SNX6: variants seen among roughly 807,000 people sequenced by gnomAD.
The protein encoded by SNX6 is sorting nexin-6.
Under a neutral mutation model 63.0 loss-of-function variants are expected in SNX6, and 34 were observed. The observed-to-expected ratio is 0.54, with a 90% CI of 0.41 to 0.72. SNX6 has a LOEUF of 0.72. Among genes scored for constraint, SNX6 ranks in the 30% least tolerant of loss-of-function variants. The probability of loss-of-function intolerance (pLI) is 0.00; values close to 1 mark genes in which losing one functional copy is unlikely to be tolerated. For missense variants in SNX6, 398 were observed against 471.4 expected (o/e 0.84, Z 1.44); for synonymous variants, 170 against 164.2 (o/e 1.04, Z -0.27).
At chr14:34,600,780 G>A (rs1882780467) in intron 6 of SNX6, among the ~76,000 whole-genome samples, 2 of 152,198 alleles carry the variant, frequency 1.3e-5, no homozygotes, top group Non-Finnish European at 1.5e-5. Context: ...GCTCACACCT[G>A]TAATCCCAGC....
At chr14:34,565,226 C>T (rs1203602270) in intron 13 of SNX6, among the ~76,000 whole-genome samples, 2 of 151,740 alleles carry the variant, frequency 1.3e-5, no homozygotes, top group South Asian at 2.1e-4. Context: ...TACAGGCGCC[C>T]GCCACCACGC....
At chr14:34,570,310 C>T (rs1166930117) in intron 11 of SNX6, among the ~76,000 whole-genome samples, 1 of 151,932 alleles carries the variant, frequency 6.6e-6, no homozygotes, top group Non-Finnish European at 1.5e-5. Context: ...AAGTAATCTG[C>T]CCACCTCTGC....
At chr14:34,625,246 T>C (rs912790142) in intron 2 of SNX6, among the ~76,000 whole-genome samples, 4 of 152,156 alleles carry the variant, frequency 2.6e-5, no homozygotes, top group African/African-American at 9.7e-5. Context: ...CTCAACAAGA[T>C]GATCTAAACT....
intron 11 of SNX6, among the ~76,000 whole-genome samples, chr14:34,571,412 GAC>G (rs1251692011): frequency 2.0e-5 from 3 of 152,004 alleles, no homozygotes; most frequent in Non-Finnish European, 4.4e-5. Context: ...CAGCCTGGGT[GAC>G]AGAGTGAGAC....
intron 11 of SNX6, chr14:34,568,919 C>A (rs910255679): frequency 7.8e-7 from 1 of 1,288,538 alleles, no homozygotes; most frequent in East Asian, 2.3e-5. Context: ...CCAACCCCAG[C>A]GCCACCCCAG....
chr14:34,628,626 C>T (rs1462305045), intron 2 of SNX6, among the ~76,000 whole-genome samples: 1 of 152,152 alleles, frequency 6.6e-6, no homozygotes, highest in Admixed American at 6.6e-5. Context: ...GAGATACTGT[C>T]TCATAAAACC....
chr14:34,590,731 A>G (rs1460555338), intron 8 of SNX6, among the ~76,000 whole-genome samples: 1 of 152,230 alleles, frequency 6.6e-6, no homozygotes, highest in African/African-American at 2.4e-5. Context: ...CATTTACCAC[A>G]TGACTCAGGC....
intron 11 of SNX6, 92 bp from the exon 12 acceptor site, chr14:34,568,105 G>T (rs927482546): frequency 2.9e-6 from 3 of 1,050,780 alleles, no homozygotes; most frequent in Non-Finnish European, 4.1e-6. Flanking sequence ...ACAACCATCA[G>T]AGCTAACACA....
At chr14:34,625,457 G>C (rs1883790689) in intron 2 of SNX6, among the ~76,000 whole-genome samples, 1 of 152,102 alleles carries the variant, frequency 6.6e-6, no homozygotes, top group African/African-American at 2.4e-5. Flanking sequence ...TATCGGCCGG[G>C]CGCGGTGGCT....
At chr14:34,610,005 T>G (rs1883163238) in intron 2 of SNX6, among the ~76,000 whole-genome samples, 1 of 152,036 alleles carries the variant, frequency 6.6e-6, no homozygotes, top group Admixed American at 6.6e-5. Flanking sequence ...AGTCACTGAG[T>G]TAATCATGAT....
chr14:34,603,820 T>C (rs940903384), intron 5 of SNX6, among the ~76,000 whole-genome samples: 1 of 152,176 alleles, frequency 6.6e-6, no homozygotes, highest in African/African-American at 2.4e-5. Flanking sequence ...ATCTTAATGA[T>C]TCAATATCCA....
At chr14:34,599,661 C>T (rs1882731029) in intron 6 of SNX6, among the ~76,000 whole-genome samples, 1 of 150,980 alleles carries the variant, frequency 6.6e-6, no homozygotes. Flanking sequence ...GTAATCCCAG[C>T]TACTCGGGAG....
At chr14:34,584,609 T>C (rs1882075035) in intron 9 of SNX6, among the ~76,000 whole-genome samples, 1 of 152,090 alleles carries the variant, frequency 6.6e-6, no homozygotes, top group East Asian at 1.9e-4. Context: ...CATATATATA[T>C]ATTCTAATTC....
At chr14:34,592,321 GGTT>G (rs1414296112) in intron 8 of SNX6, among the ~76,000 whole-genome samples, 6 of 152,188 alleles carry the variant, frequency 3.9e-5, no homozygotes, top group Admixed American at 1.3e-4. Context: ...GGGCGGCTGA[GGTT>G]GTTGCAGTGA....
At chr14:34,563,734 A>C in intron 13 of SNX6, among the ~76,000 whole-genome samples, 1 of 43,660 alleles carries the variant, frequency 2.3e-5, no homozygotes, top group South Asian at 7.4e-4. Flanking sequence ...TCTTCAGTAA[A>C]TTTTTTTTCT....
rs747902437 is a variant in SNX6, at chr14:34,603,380, T to C, written c.484A>G (p.Asn162Asp). 1.2e-6 allele frequency: 2 copies of C among 1,610,918 alleles called. No homozygotes were observed. The highest frequency in any genetic ancestry group is 2.2e-5 in the South Asian group (2 of 90,370). The part of the protein sequence containing the change: ...AAHPILRRDL[N>D]FHVFLEYNQD... ...TTATATTCCAAGAAGACATGGAAAT[T>C]TAAATCTCTTCTCAAAATAGGATGT... Residue 162 changes from asparagine (N) to aspartate (D), a missense_variant, in exon 6 of 14, where the codon AAT becomes GAT. Transcript: ENST00000362031.
In SNX6 at chr14:34,573,678, G is replaced by A. The variant is rs140214169; in HGVS notation, c.921+2078C>T. Among the ~76,000 whole-genome samples the A allele has an allele frequency of 4.7e-3, 706 of 149,960 alleles. 1 individual carries two copies. The highest frequency in any genetic ancestry group is 7.3e-3 in the Non-Finnish European group (496 of 67,648). On this transcript the variant is annotated intron_variant, in intron 11 of 13. Coordinates refer to ENST00000362031, the MANE Select transcript of SNX6 (RefSeq NM_152233.4). ...TTTCGAGACGGAGTCTCGCTTTGTC[G>A]CCCAGGCTGGAATGCAATGGCGCGG...
rs1883088586 is a variant in SNX6 at position 34,608,047 on chromosome 14, C to T, written c.253G>A (p.Asp85Asn). The T allele has an allele frequency of 6.3e-7, 1 of 1,592,854 alleles. No individual in the cohort carries two copies. The highest frequency in any genetic ancestry group is 2.2e-5 in the East Asian group (1 of 44,576). Residue 85 changes from aspartate (D) to asparagine (N), a missense_variant, in exon 4 of 14, where the codon GAC becomes AAC. Physicochemically the swap from Asp to Asn is conservative, Grantham distance 23. Coordinates refer to ENST00000362031, the MANE Select transcript of SNX6 (RefSeq NM_152233.4). ...WLHDSFVENE[D>N]YAGYIIPPAP... Reference sequence around the variant, plus strand: ...ATACTTACGATATAACCTGCATAGTCTTCATTTTCAACAAAGGAATCATGA... The same window carrying T: ...ATACTTACGATATAACCTGCATAGTTTTCATTTTCAACAAAGGAATCATGA...
intron 9 of SNX6, among the ~76,000 whole-genome samples, chr14:34,584,592 A>G (rs1882073716): frequency 6.6e-6 from 1 of 152,040 alleles, no homozygotes; most frequent in South Asian, 2.1e-4. Context: ...ATATACATAC[A>G]TACATACATA....
Sources: allele counts gnomAD v4.1 joint callset (sites outside exome capture counted in the v4.1 genomes callset), GRCh38; gene constraint gnomAD v4.1.1; transcripts MANE v1.5; gene names NCBI Gene and HGNC (gene_info 2026-07-23, HGNC 2026-07-21).